The following CPEB1 variants were observed in gnomAD, a reference collection of about 807,000 sequenced individuals.
The protein encoded by CPEB1 is cytoplasmic polyadenylation element-binding protein 1.
In CPEB1, 7 loss-of-function variants were observed where a neutral mutation model predicts 65.8. The ratio of observed to expected loss-of-function variants is 0.11; its 90% confidence interval spans 0.06 to 0.20. The LOEUF (loss-of-function observed/expected upper bound fraction) is 0.20, where lower values mean the gene tolerates loss of function less well. Ranked by LOEUF, CPEB1 falls within the 10% of genes least tolerant of loss-of-function variation. CPEB1 has a pLI of 1.00. For missense variants in CPEB1, 551 were observed against 712.2 expected, an observed-to-expected ratio of 0.77 and a Z score of 2.58; for synonymous variants, 262 against 260.0, an observed-to-expected ratio of 1.01 and a Z score of -0.08.
At chr15:82,574,721 T>TGAAAAAA (rs1260826537) in intron 3 of CPEB1, among the ~76,000 whole-genome samples, 1 of 19,468 alleles carries the variant, frequency 5.1e-5, no homozygotes. Flanking sequence ...AGACTCGGTC[T>TGAAAAAA]CAAAAAAAAA....
At chr15:82,605,240 T>C (rs2043460126) in intron 3 of CPEB1, among the ~76,000 whole-genome samples, 1 of 152,180 alleles carries the variant, frequency 6.6e-6, no homozygotes, top group African/African-American at 2.4e-5. Flanking sequence ...AAAGAGCATC[T>C]TTCCCAGTGA....
intron 1 of CPEB1, among the ~76,000 whole-genome samples, chr15:82,639,666 T>A (rs1218697939): frequency 6.6e-6 from 1 of 152,220 alleles, no homozygotes; most frequent in African/African-American, 2.4e-5. Flanking sequence ...GTCTTTTAGC[T>A]ACCATCTGGG....
intron 1 of CPEB1, chr15:82,641,004 A>C (rs1331502462): frequency 6.6e-6 from 1 of 152,188 alleles, no homozygotes; most frequent in African/African-American, 2.4e-5. Flanking sequence ...TGAATTTTAC[A>C]AATAGTACTA....
intron 3 of CPEB1, among the ~76,000 whole-genome samples, chr15:82,573,863 C>T (rs1286546768): frequency 6.6e-6 from 1 of 152,074 alleles, no homozygotes; most frequent in Non-Finnish European, 1.5e-5. Flanking sequence ...GCCTATAATC[C>T]CAGAACTTTG....
chr15:82,547,016 G>A (rs1395005920), intron 11 of CPEB1, 127 bp downstream of exon 11: 1 of 646,770 alleles, frequency 1.5e-6, no homozygotes, highest in East Asian at 2.6e-5. Flanking sequence ...TTAATTCTCA[G>A]GAATTTGGCT....
intron 1 of CPEB1, among the ~76,000 whole-genome samples, chr15:82,639,558 T>A (rs1162747124): frequency 6.6e-6 from 1 of 152,112 alleles, no homozygotes; most frequent in Non-Finnish European, 1.5e-5. Context: ...GTGGTTTTTA[T>A]CACTGTGCTA....
intron 4 of CPEB1, among the ~76,000 whole-genome samples, chr15:82,568,878 C>T (rs1237192048): frequency 2.0e-5 from 3 of 152,168 alleles, no homozygotes; most frequent in African/African-American, 7.2e-5. Flanking sequence ...TAGCCAACAG[C>T]CCTACTATCT....
intron 3 of CPEB1, among the ~76,000 whole-genome samples, chr15:82,615,704 G>C (rs947631170): frequency 6.6e-6 from 1 of 152,148 alleles, no homozygotes; most frequent in Non-Finnish European, 1.5e-5. Flanking sequence ...ACAACATCTA[G>C]AGTCTACATG....
At chr15:82,606,002 TAC>T (rs550921765) in intron 3 of CPEB1, among the ~76,000 whole-genome samples, 1 of 151,992 alleles carries the variant, frequency 6.6e-6, no homozygotes, top group Non-Finnish European at 1.5e-5. Flanking sequence ...CGCGCCATTG[TAC>T]TCCAGCCTGG....
At position 82,553,952 on chromosome 15, in the gene CPEB1, G is replaced by C. The variant is rs375580464; in HGVS notation, c.980C>G (p.Pro327Arg). The C allele has an allele frequency of 7.4e-6, 12 of 1,611,546 alleles. No individual in the cohort carries two copies. Among genetic ancestry groups the C allele is most frequent in the Non-Finnish European group, 9.3e-6 (11 of 1,179,164 alleles). The change falls in exon 7 of 13, where the codon CCT becomes CGT. Residue 327 changes from proline (P) to arginine (R), a missense_variant. Coordinates refer to ENST00000684509, the MANE Select transcript of CPEB1 (RefSeq NM_001365242.1). ...GATGGGGTTCTTATAGTTCCGGGGAGGAAGCTGGCCACTCCAGGTACAGGT... is the reference window on the plus strand; with the variant it reads ...GATGGGGTTCTTATAGTTCCGGGGACGAAGCTGGCCACTCCAGGTACAGGT... Reference protein sequence around the residue: ...EATCTWSGQLPPRNYKNPIYS... With the variant: ...EATCTWSGQLRPRNYKNPIYS...
At chr15:82,570,375 C>A (rs2039827655) in intron 4 of CPEB1, among the ~76,000 whole-genome samples, 1 of 151,042 alleles carries the variant, frequency 6.6e-6, no homozygotes, top group African/African-American at 2.4e-5. Flanking sequence ...ATGGCTGTAC[C>A]ACCCCCTCCC....
At chr15:82,622,871 T>A (rs977411166) in intron 3 of CPEB1, among the ~76,000 whole-genome samples, 1 of 152,148 alleles carries the variant, frequency 6.6e-6, no homozygotes. Context: ...CCCACCCTCC[T>A]CCACGGACGG....
intron 9 of CPEB1, among the ~76,000 whole-genome samples, chr15:82,552,137 A>G (rs1196858762): frequency 6.6e-6 from 1 of 152,196 alleles, no homozygotes; most frequent in Non-Finnish European, 1.5e-5. Context: ...GTCCAAGTAG[A>G]GAAGTTTGCT....
intron 3 of CPEB1, among the ~76,000 whole-genome samples, chr15:82,590,361 T>G (rs2042148538): frequency 6.6e-6 from 1 of 152,116 alleles, no homozygotes; most frequent in South Asian, 2.1e-4. Context: ...AATTCAATGG[T>G]TTTTAATACA....
intron 3 of CPEB1, among the ~76,000 whole-genome samples, chr15:82,574,941 A>G (rs2040492994): frequency 6.6e-6 from 1 of 152,202 alleles, no homozygotes; most frequent in Non-Finnish European, 1.5e-5. Flanking sequence ...TTAGCCTAGC[A>G]TACCTTAACT....
At chr15:82,589,144 C>A (rs568270471) in intron 3 of CPEB1, among the ~76,000 whole-genome samples, 20 of 152,336 alleles carry the variant, frequency 1.3e-4, no homozygotes, top group Admixed American at 1.0e-3. Context: ...ATAGCCTCCC[C>A]TATGTTATCT....
intron 3 of CPEB1, among the ~76,000 whole-genome samples, chr15:82,605,741 A>G (rs2043523279): frequency 6.6e-6 from 1 of 152,250 alleles, no homozygotes; most frequent in African/African-American, 2.4e-5. Flanking sequence ...CACACCATGT[A>G]TAAACACCTA....
At chr15:82,553,727 G>A in intron 7 of CPEB1, 151 bp downstream of exon 7, 3 of 745,314 alleles carry the variant, frequency 4.0e-6, no homozygotes, top group Non-Finnish European at 7.0e-6. Flanking sequence ...CACTATGGGG[G>A]TCTATGAAAT....
At chr15:82,646,285 C>A (rs1002764101) in intron 1 of CPEB1, among the ~76,000 whole-genome samples, 1 of 152,198 alleles carries the variant, frequency 6.6e-6, no homozygotes, top group Non-Finnish European at 1.5e-5. Context: ...CCTGTGCCTT[C>A]CAGAATAGGA....
Sources: allele counts gnomAD v4.1 joint callset (sites outside exome capture counted in the v4.1 genomes callset), GRCh38; gene constraint gnomAD v4.1.1; transcripts MANE v1.5; gene names NCBI Gene and HGNC (gene_info 2026-07-23, HGNC 2026-07-21).